INPP4B: variants seen among roughly 807,000 people sequenced by gnomAD.
INPP4B encodes inositol polyphosphate 4-phosphatase type II.
In INPP4B, 55 loss-of-function variants were observed where a neutral mutation model predicts 122.5. The observed-to-expected ratio is 0.45, with a 90% CI of 0.36 to 0.56. The LOEUF (loss-of-function observed/expected upper bound fraction) is 0.56, where lower values mean the gene tolerates loss of function less well. INPP4B is among the 20% of genes least tolerant of loss of function. INPP4B has a pLI of 0.00. For missense variants in INPP4B, 1,000 were observed against 1,097.7 expected, an observed-to-expected ratio of 0.91 and a Z score of 1.26; for synonymous variants, 403 against 388.7, an observed-to-expected ratio of 1.04 and a Z score of -0.43.
intron 3 of INPP4B, among the ~76,000 whole-genome samples, chr4:142,438,815 T>G (rs1320738446): frequency 3.3e-5 from 5 of 152,188 alleles, no homozygotes. Context: ...GACAAAGGCC[T>G]AATTTTCAGA....
intron 1 of INPP4B, among the ~76,000 whole-genome samples, chr4:142,814,642 C>A (rs1226242855): frequency 6.6e-6 from 1 of 152,036 alleles, no homozygotes; most frequent in Non-Finnish European, 1.5e-5. Context: ...TCAGGAGCAA[C>A]TGAAAGACTT....
At chr4:142,638,702 T>A (rs1369935199) in intron 2 of INPP4B, among the ~76,000 whole-genome samples, 1 of 151,956 alleles carries the variant, frequency 6.6e-6, no homozygotes, top group African/African-American at 2.4e-5. Context: ...CCCGCCACCA[T>A]GTCCGGCTAA....
rs557277790 is a variant in INPP4B at position 142,298,810 on chromosome 4, C to T, written c.503+6648G>A. Among the ~76,000 whole-genome samples the T allele has an allele frequency of 3.9e-4, 60 of 152,058 alleles. 1 individual carries two copies. The highest frequency in any genetic ancestry group is 1.4e-3 in the African/African-American group (59 of 41,460). On this transcript the variant is annotated intron_variant, in intron 9 of 25. Transcript: ENST00000262992. The stretch of plus-strand genomic sequence containing the variant: ...CTCAATAATCTCCATTCCTTCTCAG[C>T]TGTGCAACATTAAGAAGTTGGACTG...
At chr4:142,340,742 G>A (rs1778425080) in intron 7 of INPP4B, among the ~76,000 whole-genome samples, 1 of 152,084 alleles carries the variant, frequency 6.6e-6, no homozygotes, top group Admixed American at 6.6e-5. Context: ...TGCCAGTGGG[G>A]AGGAACCTCG....
At chr4:142,819,784 A>G (rs992563861) in intron 1 of INPP4B, among the ~76,000 whole-genome samples, 3 of 152,034 alleles carry the variant, frequency 2.0e-5, no homozygotes, top group Non-Finnish European at 2.9e-5. Context: ...ACACACACAC[A>G]CGCGCACACA....
intron 25 of INPP4B, among the ~76,000 whole-genome samples, chr4:142,074,328 T>C (rs191344997): frequency 6.6e-6 from 1 of 152,232 alleles, no homozygotes; most frequent in Non-Finnish European, 1.5e-5. Context: ...TTTAATCTTA[T>C]TTTGTGTTAC....
At position 142,028,822 on chromosome 4, in the gene INPP4B, T is replaced by C. The variant is rs755059111; in HGVS notation, c.2735A>G (p.Tyr912Cys). ...TCCATAAGTCCCCTCTGGAGGTCTG[T>C]AGTACTTGGGGAAAGCCATCAGCTG... The part of the protein sequence containing the change: ...MLQLMAFPKY[Y>C]RPPEGTYGKA... Residue 912 changes from tyrosine (Y) to cysteine (C), a missense_variant, in exon 26 of 26, where the codon TAC becomes TGC. Transcript: ENST00000262992. The C allele has an allele frequency of 6.2e-7, 1 of 1,613,542 alleles. No homozygotes were observed. The highest frequency in any genetic ancestry group is 8.5e-7 in the Non-Finnish European group (1 of 1,179,644).
chr4:142,095,532 A>G (rs1045801469), intron 23 of INPP4B, among the ~76,000 whole-genome samples: 2 of 152,174 alleles, frequency 1.3e-5, no homozygotes, highest in Non-Finnish European at 2.9e-5. Context: ...AGGGATGATG[A>G]GTCTCAATAT....
At chr4:142,278,572 C>T (rs1749720242) in intron 9 of INPP4B, among the ~76,000 whole-genome samples, 1 of 151,862 alleles carries the variant, frequency 6.6e-6, no homozygotes, top group Non-Finnish European at 1.5e-5. Context: ...ATTGGAGAAG[C>T]TATGATCCCA....
intron 2 of INPP4B, among the ~76,000 whole-genome samples, chr4:142,652,635 C>T (rs1178331256): frequency 6.6e-6 from 1 of 152,062 alleles, no homozygotes; most frequent in East Asian, 1.9e-4. Context: ...GAATAAAATA[C>T]CTAGGAATCC....
At chr4:142,364,094 G>A (rs1014658893) in intron 7 of INPP4B, among the ~76,000 whole-genome samples, 1 of 151,878 alleles carries the variant, frequency 6.6e-6, no homozygotes, top group Non-Finnish European at 1.5e-5. Flanking sequence ...ATCTCTCTCT[G>A]GTATTTCTGT....
At chr4:142,324,272 T>C (rs991990713) in intron 7 of INPP4B, among the ~76,000 whole-genome samples, 4 of 151,964 alleles carry the variant, frequency 2.6e-5, no homozygotes, top group Non-Finnish European at 5.9e-5. Flanking sequence ...TTGCTTAAGC[T>C]ACCCAGTCTA....
chr4:142,638,545 TC>T (rs1481904868), intron 2 of INPP4B, among the ~76,000 whole-genome samples: 3 of 78,822 alleles, frequency 3.8e-5, no homozygotes, highest in Non-Finnish European at 8.3e-5. Flanking sequence ...TTGTCTATTC[TC>T]TTTTTTTTTT....
intron 14 of INPP4B, among the ~76,000 whole-genome samples, chr4:142,203,286 T>C (rs187072375): frequency 1.3e-5 from 2 of 152,260 alleles, no homozygotes; most frequent in East Asian, 1.9e-4. Context: ...TTTAGTACTA[T>C]AGATTACAAC....
At chr4:142,799,927 C>T (rs1300757985) in intron 1 of INPP4B, among the ~76,000 whole-genome samples, 1 of 151,006 alleles carries the variant, frequency 6.6e-6, no homozygotes. Flanking sequence ...AATAATGATG[C>T]AATGAACACT....
chr4:142,755,548 TTAC>T (rs1770383937), intron 1 of INPP4B, among the ~76,000 whole-genome samples: 2 of 151,990 alleles, frequency 1.3e-5, no homozygotes, highest in Non-Finnish European at 1.5e-5. Context: ...AAAGAAGCCC[TTAC>T]TTCTGAGAGC....
At chr4:142,783,707 T>A (rs949807767) in intron 1 of INPP4B, among the ~76,000 whole-genome samples, 1 of 152,164 alleles carries the variant, frequency 6.6e-6, no homozygotes, top group Admixed American at 6.6e-5. Flanking sequence ...GACAGAAATA[T>A]GCATTAAAAA....
chr4:142,740,844 A>G (rs986922650), intron 1 of INPP4B, among the ~76,000 whole-genome samples: 1 of 152,058 alleles, frequency 6.6e-6, no homozygotes, highest in African/African-American at 2.4e-5. Flanking sequence ...TATAAGTCCT[A>G]AAAATCTTTC....
At position 142,519,423 on chromosome 4, in the gene INPP4B, C is replaced by T. The variant is rs532309793; in HGVS notation, c.-190-56697G>A. The stretch of plus-strand genomic sequence containing the variant: ...GACTACTGCTGATATAATTTTATTA[C>T]CCAGGTGGTTATAAGCATTGAGTTA... On this transcript the variant is annotated intron_variant, in intron 2 of 25. Transcript: ENST00000262992. 5.9e-5 allele frequency among the ~76,000 whole-genome samples: 9 copies of T among 152,130 alleles called. No homozygotes were observed. In the South Asian group the frequency reaches 1.9e-3, roughly 32 times the overall value.
Sources: allele counts gnomAD v4.1 joint callset (sites outside exome capture counted in the v4.1 genomes callset), GRCh38; gene constraint gnomAD v4.1.1; transcripts MANE v1.5; gene names NCBI Gene and HGNC (gene_info 2026-07-23, HGNC 2026-07-21).